TANK: variants seen among roughly 807,000 people sequenced by gnomAD.
TANK encodes the protein TRAF family member associated NFKB activator, also known as TRAF family member-associated NF-kappa-B activator.
In TANK, 15 loss-of-function variants were observed where a neutral mutation model predicts 43.6. The ratio of observed to expected loss-of-function variants is 0.34; its 90% CI spans 0.23 to 0.53. TANK has a LOEUF of 0.53. Among genes scored for constraint, TANK ranks in the 20% least tolerant of loss-of-function variants. The pLI is 0.94. For synonymous variants in TANK, 162 were observed against 178.2 expected (o/e 0.91, Z 0.73); for missense variants, 417 against 498.6 (o/e 0.84, Z 1.56).
At chr2:161,182,718 A>C (rs979953883) in intron 2 of TANK, among the ~76,000 whole-genome samples, 2 of 152,156 alleles carry the variant, frequency 1.3e-5, no homozygotes, top group African/African-American at 2.4e-5. Context: ...ATTGTCCATG[A>C]TTGAAGAAGG....
intron 1 of TANK, among the ~76,000 whole-genome samples, chr2:161,169,728 AAAATT>A (rs566365611): frequency 3.6e-4 from 55 of 152,326 alleles, no homozygotes; most frequent in African/African-American, 1.3e-3. Flanking sequence ...ATTAAAATAA[AAAATT>A]AGAGGGGAGA....
In TANK at chr2:161,200,323, CTG is replaced by C. The variant is rs1252490713; in HGVS notation, c.100-3161_100-3160del. On this transcript the variant is annotated intron_variant, in intron 2 of 7. Transcript: ENST00000392749. ...ATTGTATTTTAAAAAAATACTATGA[CTG>C]TGCAACAATAATCTGACCTTGTAAA... 4.1e-6 allele frequency: 4 copies of C among 981,842 alleles called. No homozygotes were observed. The Admixed American group carries it at 1.8e-4, about 45-fold the overall frequency. The allele number at this position is 981,842 out of a possible 1,614,324, so 60.8% of individuals were successfully genotyped here.
chr2:161,175,847 C>T (rs749547130), intron 1 of TANK, among the ~76,000 whole-genome samples: 10 of 152,098 alleles, frequency 6.6e-5, no homozygotes, highest in Non-Finnish European at 1.5e-4. Context: ...AGATTGACAA[C>T]AGTGGGTAGA....
upstream of TANK, among the ~76,000 whole-genome samples, chr2:161,158,162 G>A (rs1047315644): frequency 1.3e-5 from 2 of 152,176 alleles, no homozygotes; most frequent in Non-Finnish European, 2.9e-5. Flanking sequence ...TTATATGTGT[G>A]AGCACCACAC....
intron 1 of TANK, among the ~76,000 whole-genome samples, chr2:161,175,130 C>T (rs1436481859): frequency 6.6e-6 from 1 of 152,128 alleles, no homozygotes; most frequent in Non-Finnish European, 1.5e-5. Flanking sequence ...CTTCAAGTTA[C>T]AGTTAATGGT....
chr2:161,168,818 AGT>A (rs1029981482), intron 1 of TANK, among the ~76,000 whole-genome samples: 1 of 152,156 alleles, frequency 6.6e-6, no homozygotes, highest in African/African-American at 2.4e-5. Context: ...CGAGCAACAG[AGT>A]GAGAATTGTA....
chr2:161,207,782 C>G (rs902078711), intron 4 of TANK: 3 of 985,182 alleles, frequency 3.0e-6, no homozygotes, highest in African/African-American at 1.7e-5. Context: ...CAAGCTTCTT[C>G]CACAATGAAA....
chr2:161,206,022 T>A (rs1424928732), intron 4 of TANK, among the ~76,000 whole-genome samples: 1 of 152,144 alleles, frequency 6.6e-6, no homozygotes, highest in Non-Finnish European at 1.5e-5. Flanking sequence ...TAAAAACCTG[T>A]ACAGGAAGGG....
At chr2:161,208,041 G>C (rs1440875602) in intron 4 of TANK, 2 of 758,342 alleles carry the variant, frequency 2.6e-6, no homozygotes, top group Non-Finnish European at 1.6e-6. Flanking sequence ...AAGCCACTAC[G>C]AGCCACCCAC....
intron 4 of TANK, chr2:161,208,190 C>G (rs1686731102): frequency 1.0e-6 from 1 of 985,190 alleles, no homozygotes; most frequent in South Asian, 4.7e-5. Context: ...GCCACTCTGG[C>G]TGCCTTGGAA....
chr2:161,216,436 C>G, intron 4 of TANK: 1 of 469,604 alleles, frequency 2.1e-6, no homozygotes, highest in South Asian at 1.6e-5. Flanking sequence ...TCATCTTATC[C>G]TGAGCCGTAA....
chr2:161,161,120 C>A, intron 1 of TANK: 2 of 1,224,840 alleles, frequency 1.6e-6, no homozygotes, highest in Non-Finnish European at 1.1e-6. Context: ...GTCCTCACGC[C>A]GGTGTAAACT....
rs537906259 is a variant in TANK at position 161,230,896 on chromosome 2, C to T, written c.521-75C>T. 10 of 1,155,092 alleles carry T rather than the reference C, an allele frequency of 8.7e-6. No individual in the cohort carries two copies. The East Asian group carries it at 1.0e-4, about 12-fold the overall frequency. The allele number at this position is 1,155,092 out of a possible 1,614,324, so 71.6% of individuals were successfully genotyped here. A position where few individuals can be genotyped will look rare whatever the true frequency, so the allele number is the denominator to read the frequency against. On this transcript the variant is annotated intron_variant, in intron 6 of 7. Coordinates refer to ENST00000392749, the MANE Select transcript of TANK (RefSeq NM_001199135.3). Reference sequence around the variant, plus strand: ...CCAATAGAAAAAATAATAATAATCTCTCCAAAGCTGATTGAACAGATTTTT... The same window carrying T: ...CCAATAGAAAAAATAATAATAATCTTTCCAAAGCTGATTGAACAGATTTTT...
chr2:161,221,298 TCTC>T (rs1249888257), intron 4 of TANK, among the ~76,000 whole-genome samples: 1 of 152,192 alleles, frequency 6.6e-6, no homozygotes, highest in African/African-American at 2.4e-5. Context: ...ATGCTTAAAA[TCTC>T]CTAAAATATA....
At position 161,224,758 on chromosome 2, in the gene TANK, T is replaced by C. The variant is rs763834349; in HGVS notation, c.520+12T>C. 4 of 1,425,088 alleles carry C rather than the reference T, an allele frequency of 2.8e-6. No individual in the cohort carries two copies. The highest frequency in any genetic ancestry group is 2.2e-5 in the Admixed American group (1 of 44,676). The allele number at this position is 1,425,088 out of a possible 1,614,324, so 88.3% of individuals were successfully genotyped here. A position where few individuals can be genotyped will look rare whatever the true frequency, so the allele number is the denominator to read the frequency against. On this transcript the variant is annotated intron_variant, in intron 6 of 7. Transcript: ENST00000392749. ...AGACACTGCAACTGGTAAGATTTAATTTAATTTACAGTAATATTGATTTGC... is the reference window on the plus strand; with the variant it reads ...AGACACTGCAACTGGTAAGATTTAACTTAATTTACAGTAATATTGATTTGC...
At chr2:161,209,074 C>T (rs1341719005) in intron 4 of TANK, among the ~76,000 whole-genome samples, 1 of 152,076 alleles carries the variant, frequency 6.6e-6, no homozygotes, top group African/African-American at 2.4e-5. Flanking sequence ...TTAATATTCA[C>T]TTAATAGTGA....
chr2:161,235,675 T>C lies in TANK; in HGVS notation c.*157T>C. The stretch of plus-strand genomic sequence containing the variant: ...TTCTGGATTTACTATATAACTCTTA[T>C]TTTTTAAAAGATCATTCTGTTCTTT... On this transcript the variant is annotated 3_prime_UTR_variant, in exon 8 of 8. Transcript: ENST00000392749. 3.7e-6 allele frequency: 2 copies of C among 544,046 alleles called. No individual in the cohort carries two copies. The highest frequency in any genetic ancestry group is 6.0e-6 in the Non-Finnish European group (2 of 335,702). The allele number at this position is 544,046 out of a possible 1,614,324, so 33.7% of individuals were successfully genotyped here.
upstream of TANK, chr2:161,156,269 G>T: frequency 3.0e-6 from 3 of 985,222 alleles, no homozygotes; most frequent in Non-Finnish European, 3.6e-6. Context: ...TTATTATTCT[G>T]CAATACTGAT....
intron 2 of TANK, among the ~76,000 whole-genome samples, chr2:161,194,437 G>A (rs549003072): frequency 2.1e-4 from 32 of 151,852 alleles, no homozygotes; most frequent in Admixed American, 1.2e-3. Context: ...TCTTTGTACC[G>A]AGAAGAAAAG....
Sources: allele counts gnomAD v4.1 joint callset (sites outside exome capture counted in the v4.1 genomes callset), GRCh38; gene constraint gnomAD v4.1.1; transcripts MANE v1.5; gene names NCBI Gene and HGNC (gene_info 2026-07-23, HGNC 2026-07-21).